Variants in SYNPR observed in about 807,000 individuals in gnomAD.
The protein encoded by SYNPR is synaptoporin.
In SYNPR, 23 loss-of-function variants were observed where a neutral mutation model predicts 32.9. The ratio of observed to expected loss-of-function variants is 0.70; its 90% CI spans 0.50 to 0.99. The LOEUF is 0.99. SYNPR is among the 50% of genes least tolerant of loss of function. The probability of loss-of-function intolerance (pLI) is 0.00; values close to 1 mark genes in which losing one functional copy is unlikely to be tolerated. For synonymous variants in SYNPR, 146 were observed against 135.9 expected (o/e 1.07, Z -0.52); for missense variants, 318 against 349.3 (o/e 0.91, Z 0.71).
intron 2 of SYNPR, among the ~76,000 whole-genome samples, chr3:63,466,995 T>A (rs960457020): frequency 2.0e-5 from 3 of 152,108 alleles, no homozygotes; most frequent in African/African-American, 4.8e-5. Context: ...AATACTTTTA[T>A]TTATTTATTT....
At chr3:63,341,263 C>T (rs1357568016) in intron 2 of SYNPR, among the ~76,000 whole-genome samples, 1 of 152,150 alleles carries the variant, frequency 6.6e-6, no homozygotes, top group African/African-American at 2.4e-5. Flanking sequence ...TATGGATGTA[C>T]CACAGTTTGT....
intron 2 of SYNPR, among the ~76,000 whole-genome samples, chr3:63,293,319 AG>A (rs199990632): frequency 2.0e-5 from 3 of 148,950 alleles, no homozygotes; most frequent in Non-Finnish European, 4.5e-5. Flanking sequence ...TTTGGGGTGG[AG>A]GGTTTTTTTG....
At chr3:63,335,091 A>C (rs1462760483) in intron 2 of SYNPR, among the ~76,000 whole-genome samples, 1 of 152,172 alleles carries the variant, frequency 6.6e-6, no homozygotes, top group Non-Finnish European at 1.5e-5. Context: ...GCCGTGGCTC[A>C]CGCCTGTAAT....
chr3:63,364,181 A>T (rs2087701529), intron 2 of SYNPR, among the ~76,000 whole-genome samples: 1 of 152,228 alleles, frequency 6.6e-6, no homozygotes, highest in Non-Finnish European at 1.5e-5. Flanking sequence ...AAAATATTGA[A>T]GCTTCATAAA....
At position 63,253,142 on chromosome 3, in the gene SYNPR, A is replaced by C. The variant is rs906581433; in HGVS notation, n.154+556A>C. Among the ~76,000 whole-genome samples the C allele has an allele frequency of 1.2e-4, 19 of 152,024 alleles. 1 individual carries two copies. The highest frequency in any genetic ancestry group is 2.6e-4 in the Non-Finnish European group (18 of 68,008). On this transcript the variant is annotated intron_variant and non_coding_transcript_variant, in intron 2 of 4. Coordinates refer to the SYNPR transcript ENST00000478456. ...ATTTATAGAACTGTTTTTAGAGTTT[A>C]TGGCACATTCTTTTGAATGTTCAGA...
At chr3:63,358,018 A>T (rs2087605498) in intron 2 of SYNPR, among the ~76,000 whole-genome samples, 1 of 152,230 alleles carries the variant, frequency 6.6e-6, no homozygotes, top group African/African-American at 2.4e-5. Flanking sequence ...GGAGTGATTC[A>T]TTCGCGTAAA....
chr3:63,421,789 G>C (rs117964199), intron 2 of SYNPR, among the ~76,000 whole-genome samples: 1 of 152,188 alleles, frequency 6.6e-6, no homozygotes, highest in Non-Finnish European at 1.5e-5. Flanking sequence ...TACAGCTGGA[G>C]GACTGAGGCC....
chr3:63,319,443 C>A (rs1259996734), intron 2 of SYNPR, among the ~76,000 whole-genome samples: 2 of 151,852 alleles, frequency 1.3e-5, no homozygotes, highest in Non-Finnish European at 2.9e-5. Context: ...AATCAACTTA[C>A]AAAAGTCATT....
chr3:63,302,783 T>C (rs1261369905), intron 2 of SYNPR, among the ~76,000 whole-genome samples: 1 of 151,966 alleles, frequency 6.6e-6, no homozygotes, highest in African/African-American at 2.4e-5. Context: ...CTTAGAAAAA[T>C]TGATTAATTA....
At chr3:63,467,530 G>T (rs1559507765) in intron 2 of SYNPR, among the ~76,000 whole-genome samples, 1 of 152,248 alleles carries the variant, frequency 6.6e-6, no homozygotes, top group East Asian at 1.9e-4. Flanking sequence ...CTCTAAAATG[G>T]TGATAATGAT....
At chr3:63,323,917 GA>G (rs1308409461) in intron 2 of SYNPR, among the ~76,000 whole-genome samples, 1 of 152,042 alleles carries the variant, frequency 6.6e-6, no homozygotes, top group East Asian at 1.9e-4. Flanking sequence ...GAAGGACAGT[GA>G]AGCCCAGCAT....
At chr3:63,595,948 GTT>G (rs1699952548) in intron 4 of SYNPR, among the ~76,000 whole-genome samples, 8 of 104,426 alleles carry the variant, frequency 7.7e-5, no homozygotes, top group South Asian at 3.0e-4. Context: ...TATATATATA[GTT>G]TTATATATAT....
chr3:63,603,402 G>C (rs1700072859), intron 4 of SYNPR, among the ~76,000 whole-genome samples: 2 of 152,134 alleles, frequency 1.3e-5, no homozygotes, highest in Admixed American at 1.3e-4. Flanking sequence ...TGGTTAGAGA[G>C]GGCATTCCTG....
intron 3 of SYNPR, among the ~76,000 whole-genome samples, chr3:63,509,705 TC>T (rs1413627001): frequency 6.6e-6 from 1 of 152,096 alleles, no homozygotes; most frequent in Non-Finnish European, 1.5e-5. Context: ...AAATTGATAG[TC>T]CCCAGAAAGA....
chr3:63,227,439 A>G (rs1422283362), upstream of SYNPR, among the ~76,000 whole-genome samples: 1 of 152,212 alleles, frequency 6.6e-6, no homozygotes, highest in Non-Finnish European at 1.5e-5. Context: ...GAGAGAGTAT[A>G]TTACAGAAGA....
intron 2 of SYNPR, among the ~76,000 whole-genome samples, chr3:63,263,723 A>C (rs1377085814): frequency 6.6e-6 from 1 of 152,200 alleles, no homozygotes; most frequent in Non-Finnish European, 1.5e-5. Context: ...CACCATGAGC[A>C]TCTAGGACTT....
At chr3:63,342,698 A>G (rs1681785391) in intron 2 of SYNPR, among the ~76,000 whole-genome samples, 1 of 152,180 alleles carries the variant, frequency 6.6e-6, no homozygotes, top group South Asian at 2.1e-4. Flanking sequence ...GATGGTAATT[A>G]TTTTTTAAAT....
At chr3:63,510,605 A>T (rs6796783) in intron 3 of SYNPR, among the ~76,000 whole-genome samples, 57,554 of 152,018 alleles carry the variant, frequency 0.38, 11,008 homozygotes, top group Non-Finnish European at 0.42. Context: ...CAATAAAGTT[A>T]GATTCTTACT....
chr3:63,336,726 T>A (rs938075385), intron 2 of SYNPR, among the ~76,000 whole-genome samples: 1 of 151,760 alleles, frequency 6.6e-6, no homozygotes, highest in African/African-American at 2.4e-5. Flanking sequence ...AAAAGCACAA[T>A]CTATGAAAGG....
Sources: allele counts gnomAD v4.1 joint callset (sites outside exome capture counted in the v4.1 genomes callset), GRCh38; gene constraint gnomAD v4.1.1; transcripts MANE v1.5; gene names NCBI Gene and HGNC (gene_info 2026-07-23, HGNC 2026-07-21).